CDH4: variants seen among roughly 807,000 people sequenced by gnomAD.
The protein encoded by CDH4 is cadherin-4.
A neutral mutation model predicts 86.0 loss-of-function variants in CDH4; 33 were observed. That is an observed-to-expected ratio of 0.38 (90% CI 0.29 to 0.51). CDH4 has a LOEUF of 0.51. CDH4 is among the 20% of genes least tolerant of loss of function. CDH4 has a pLI of 0.86. For synonymous variants in CDH4, 555 were observed against 549.4 expected (o/e 1.01, Z -0.14); for missense variants, 1,114 against 1,307.4 (o/e 0.85, Z 2.28).
intron 2 of CDH4, among the ~76,000 whole-genome samples, chr20:61,274,426 T>G (rs1316424848): frequency 5.5e-5 from 4 of 73,146 alleles, no homozygotes; most frequent in African/African-American, 5.4e-5. Flanking sequence ...GAGTACCATG[T>G]GCAGTTTGGG....
intron 2 of CDH4, among the ~76,000 whole-genome samples, chr20:61,470,091 G>A (rs1288086304): frequency 1.3e-5 from 2 of 152,054 alleles, no homozygotes; most frequent in Non-Finnish European, 2.9e-5. Context: ...TTCTGTTTCT[G>A]TGAAGAATGT....
intron 7 of CDH4, among the ~76,000 whole-genome samples, chr20:61,890,434 G>A (rs145326151): frequency 2.7e-4 from 41 of 149,156 alleles, no homozygotes; most frequent in African/African-American, 9.6e-4. Flanking sequence ...GATAGATGAC[G>A]GGTGGATGGA....
rs117703294 is a variant in CDH4, at chr20:61,728,393, T to C, written c.170-15170T>C. 2.1e-3 allele frequency among the ~76,000 whole-genome samples: 327 copies of C among 152,228 alleles called. 13 individuals carry two copies. In the East Asian group the frequency reaches 0.056, roughly 26 times the overall value. On this transcript the variant is annotated intron_variant, in intron 2 of 15. Transcript: ENST00000614565. ...ATGGTGCCTTATTCTCATCCTTCCA[T>C]CCTCTAAAACTCTGCTTGAGTTTGT... is the stretch of plus-strand genomic sequence containing the variant.
Position 61,288,563 on chromosome 20 carries a change from TG to T in CDH4, c.169+33627del, listed in dbSNP as rs1893947267. 2.0e-5 allele frequency among the ~76,000 whole-genome samples: 3 copies of T among 152,210 alleles called. No homozygotes were observed. The South Asian group carries it at 6.2e-4, about 31-fold the overall frequency. On this transcript the variant is annotated intron_variant, in intron 2 of 15. Transcript: ENST00000614565. ...AGCAGTTCCTGATGAATGAGCTCTG[TG>T]CAGCCAGGCCCTGATGCCCATGGTG... is the stretch of plus-strand genomic sequence containing the variant.
At chr20:61,787,846 G>C (rs1978965827) in intron 4 of CDH4, among the ~76,000 whole-genome samples, 1 of 152,194 alleles carries the variant, frequency 6.6e-6, no homozygotes, top group East Asian at 1.9e-4. Flanking sequence ...AAGTGCAAAT[G>C]CTCAGAGTCT....
intron 2 of CDH4, among the ~76,000 whole-genome samples, chr20:61,408,738 A>AG (rs2145488187): frequency 6.6e-6 from 1 of 150,762 alleles, no homozygotes; most frequent in African/African-American, 2.4e-5. Context: ...ACACCATGGA[A>AG]TCACATGATG....
chr20:61,851,652 C>T (rs1392468896), intron 5 of CDH4, among the ~76,000 whole-genome samples: 1 of 152,242 alleles, frequency 6.6e-6, no homozygotes, highest in Non-Finnish European at 1.5e-5. Flanking sequence ...GACCATCCAG[C>T]TCTGGGTGGA....
intron 2 of CDH4, among the ~76,000 whole-genome samples, chr20:61,402,127 A>C (rs2085053018): frequency 2.0e-5 from 3 of 152,192 alleles, no homozygotes; most frequent in African/African-American, 7.2e-5. Context: ...GCTGTCTTAA[A>C]GCATATACAG....
At chr20:61,660,886 G>A (rs2087247100) in intron 2 of CDH4, among the ~76,000 whole-genome samples, 1 of 152,166 alleles carries the variant, frequency 6.6e-6, no homozygotes, top group African/African-American at 2.4e-5. Flanking sequence ...CTCCACCTGG[G>A]CAGCCTTACC....
At chr20:61,253,521 G>A (rs941906273) in intron 1 of CDH4, among the ~76,000 whole-genome samples, 1 of 152,066 alleles carries the variant, frequency 6.6e-6, no homozygotes, top group Non-Finnish European at 1.5e-5. Context: ...ATAAACAAGT[G>A]CCAGCGGCGG....
intron 2 of CDH4, among the ~76,000 whole-genome samples, chr20:61,727,691 G>A (rs2088132541): frequency 6.6e-6 from 1 of 152,114 alleles, no homozygotes; most frequent in African/African-American, 2.4e-5. Flanking sequence ...TGGTGAGAGA[G>A]GAGGTGGGAG....
intron 2 of CDH4, among the ~76,000 whole-genome samples, chr20:61,360,017 G>A (rs1430038516): frequency 6.6e-6 from 1 of 152,202 alleles, no homozygotes; most frequent in Non-Finnish European, 1.5e-5. Flanking sequence ...CCAAAAAGAA[G>A]CAAACTGCCA....
At chr20:61,598,882 C>T (rs899098544) in intron 2 of CDH4, among the ~76,000 whole-genome samples, 1 of 152,202 alleles carries the variant, frequency 6.6e-6, no homozygotes, top group Non-Finnish European at 1.5e-5. Context: ...CTGGATGGCT[C>T]CTCCAGGGCT....
At chr20:61,861,057 C>A (rs910844184) in intron 6 of CDH4, among the ~76,000 whole-genome samples, 2 of 152,206 alleles carry the variant, frequency 1.3e-5, no homozygotes, top group Non-Finnish European at 2.9e-5. Context: ...ATAGCTGTGG[C>A]CACCACCCTG....
chr20:61,707,579 G>A (rs2087845368), intron 2 of CDH4, among the ~76,000 whole-genome samples: 2 of 152,184 alleles, frequency 1.3e-5, no homozygotes, highest in African/African-American at 2.4e-5. Context: ...ATAAAAAAGG[G>A]GAAAGGATGC....
At chr20:61,702,104 A>G (rs1372025467) in intron 2 of CDH4, among the ~76,000 whole-genome samples, 1 of 152,214 alleles carries the variant, frequency 6.6e-6, no homozygotes, top group African/African-American at 2.4e-5. Context: ...CGTCTTCTTC[A>G]CTGCCATTTC....
At chr20:61,671,069 G>T (rs905943835) in intron 2 of CDH4, among the ~76,000 whole-genome samples, 3 of 152,178 alleles carry the variant, frequency 2.0e-5, no homozygotes, top group Non-Finnish European at 4.4e-5. Flanking sequence ...AGGGTGAATG[G>T]ATAGGTAGAT....
intron 2 of CDH4, among the ~76,000 whole-genome samples, chr20:61,660,353 C>T (rs565469718): frequency 2.0e-5 from 3 of 152,230 alleles, no homozygotes; most frequent in Non-Finnish European, 1.5e-5. Flanking sequence ...AATTAATTCA[C>T]TTTGGTGCTC....
chr20:61,765,954 G>A (rs1455705933), intron 3 of CDH4, among the ~76,000 whole-genome samples: 3 of 152,020 alleles, frequency 2.0e-5, no homozygotes, highest in Non-Finnish European at 4.4e-5. Context: ...TGGCCAGCTG[G>A]ACCCTTAGGC....
Sources: allele counts gnomAD v4.1 joint callset (sites outside exome capture counted in the v4.1 genomes callset), GRCh38; gene constraint gnomAD v4.1.1; transcripts MANE v1.5; gene names NCBI Gene and HGNC (gene_info 2026-07-23, HGNC 2026-07-21).